RBM26: variants seen among roughly 807,000 people sequenced by gnomAD.
RBM26 encodes RNA binding motif protein 26, also known as RNA-binding protein 26.
Under a neutral mutation model 123.6 loss-of-function variants are expected in RBM26, and 30 were observed. The observed-to-expected ratio is 0.24, with a 90% CI of 0.18 to 0.33. The LOEUF is 0.33. Ranked by LOEUF, RBM26 falls within the 10% of genes least tolerant of loss-of-function variation. The pLI, the probability that RBM26 is intolerant of heterozygous loss-of-function variation, is 1.00. For synonymous variants in RBM26, 400 were observed against 404.4 expected, an observed-to-expected ratio of 0.99 and a Z score of 0.13; for missense variants, 947 against 1,203.6, an observed-to-expected ratio of 0.79 and a Z score of 3.15.
At chr13:79,385,116 T>G (rs527313452) in intron 1 of RBM26, among the ~76,000 whole-genome samples, 1 of 152,300 alleles carries the variant, frequency 6.6e-6, no homozygotes, top group South Asian at 2.1e-4. Context: ...CATTTTATAT[T>G]CAGGAAAAAT....
At chr13:79,323,131 C>T (rs1248628895) in intron 20 of RBM26, among the ~76,000 whole-genome samples, 2 of 151,408 alleles carry the variant, frequency 1.3e-5, no homozygotes, top group Non-Finnish European at 3.0e-5. Flanking sequence ...AAAACGTGAA[C>T]TTAAAAAATA....
chr13:79,312,480 C>T (rs866018768), exon 5 of RBM26: 1 of 152,010 alleles, frequency 6.6e-6, no homozygotes, highest in African/African-American at 2.4e-5. Context: ...CTCTTTACAA[C>T]TCACCAAATG....
chr13:79,313,755 A>G (rs923535094), exon 5 of RBM26: 1 of 151,746 alleles, frequency 6.6e-6, no homozygotes, highest in Non-Finnish European at 1.5e-5. Context: ...ACCAATGTGG[A>G]TCAAAACAGT....
At chr13:79,375,657 T>C (rs1319272914) in intron 3 of RBM26, among the ~76,000 whole-genome samples, 2 of 152,108 alleles carry the variant, frequency 1.3e-5, no homozygotes, top group East Asian at 1.9e-4. Context: ...ATAAATTACA[T>C]TTCTGGTCTT....
Position 79,318,927 on chromosome 13 carries a change from T to G in RBM26, c.*1694A>C. ...TTACCTAATGAATCAGAATAGCACA[T>G]AGTCAACATACAAGAGACTACATAA... On this transcript the variant is annotated 3_prime_UTR_variant, in exon 22 of 22. Coordinates refer to ENST00000438737, the MANE Select transcript of RBM26 (RefSeq NM_001366735.2). 1 of 978,732 alleles carries G rather than the reference T, an allele frequency of 1.0e-6. No homozygotes were observed. The allele number at this position is 978,732 out of a possible 1,614,324, so 60.6% of individuals were successfully genotyped here.
At chr13:79,365,909 T>C in intron 8 of RBM26, 146 bp downstream of exon 8, 1 of 954,584 alleles carries the variant, frequency 1.0e-6, no homozygotes, top group Non-Finnish European at 1.5e-6. Context: ...CATTCAAAAC[T>C]GAGGGCTTAT....
chr13:79,406,025 CGGG>C lies in RBM26; in HGVS notation c.-254_-252del. 3.4e-6 allele frequency: 1 copy of C among 293,528 alleles called. No individual in the cohort carries two copies. Among genetic ancestry groups the C allele is most frequent in the Middle Eastern group, 9.6e-4 (1 of 1,044 alleles). The allele number at this position is 293,528 out of a possible 1,614,324, so 18.2% of individuals were successfully genotyped here. On this transcript the variant is annotated 5_prime_UTR_variant, in exon 1 of 22. Coordinates refer to ENST00000438737, the MANE Select transcript of RBM26 (RefSeq NM_001366735.2). ...CGGGCTGAAACAGCAACGGTTTGCC[CGGG>C]CCCTCCCCCTTCCCTCTTCCCCAGC...
intron 10 of RBM26, 99 bp downstream of exon 10, chr13:79,359,476 C>T: frequency 1.6e-6 from 1 of 627,484 alleles, no homozygotes. Flanking sequence ...AACAGAGTAA[C>T]ATTTTTGGAA....
At chr13:79,378,341 A>G (rs1262131777) in intron 2 of RBM26, among the ~76,000 whole-genome samples, 4 of 152,232 alleles carry the variant, frequency 2.6e-5, no homozygotes, top group African/African-American at 9.6e-5. Context: ...TAAATAAGCT[A>G]TGGATATACT....
intron 1 of RBM26, among the ~76,000 whole-genome samples, chr13:79,385,055 G>A (rs1316019945): frequency 6.6e-6 from 1 of 152,156 alleles, no homozygotes; most frequent in Non-Finnish European, 1.5e-5. Flanking sequence ...TATGTTAACT[G>A]AGTAACTTTA....
In RBM26 at chr13:79,354,552, G is replaced by A; in HGVS notation, c.1873C>T (p.Gln625Ter). Residue 625 changes from glutamine to a stop codon, truncating the protein, a stop_gained, in exon 13 of 22, where the codon CAG becomes TAG. Transcript: ENST00000438737. LOFTEE classifies it high-confidence loss of function. ...TSPKVMQPLVQQPILPVVKQS... is the reference protein window; with the variant it reads ...TSPKVMQPLV The stretch of plus-strand genomic sequence containing the variant: ...TTCACAACAGGCAAAATGGGCTGCT[G>A]GACTAAAGGCTGCATTACCTCAGAA... The A allele has an allele frequency of 1.2e-6, 2 of 1,600,542 alleles. No homozygotes were observed. The highest frequency in any genetic ancestry group is 1.7e-6 in the Non-Finnish European group (2 of 1,171,172).
At chr13:79,315,057 C>T (rs370320479), downstream of RBM26, 4 of 989,932 alleles carry the variant, frequency 4.0e-6, 1 homozygote, top group African/African-American at 1.7e-5. Flanking sequence ...AAACTTGAAT[C>T]ACATCATAAA....
intron 9 of RBM26, among the ~76,000 whole-genome samples, chr13:79,362,507 G>A (rs377122499): frequency 1.1e-4 from 16 of 152,180 alleles, no homozygotes; most frequent in East Asian, 7.7e-4. Flanking sequence ...AGGGTACATA[G>A]GCTGTATCTA....
At chr13:79,371,241 A>C (rs2075843019) in intron 4 of RBM26, 79 bp from the exon 5 acceptor site, 1 of 1,169,204 alleles carries the variant, frequency 8.6e-7, no homozygotes, top group Admixed American at 2.2e-5. Context: ...CAAAAGTTAC[A>C]TTTAATTCTT....
intron 1 of RBM26, among the ~76,000 whole-genome samples, chr13:79,395,490 AG>A (rs1474016811): frequency 2.0e-5 from 3 of 152,320 alleles, no homozygotes; most frequent in African/African-American, 7.2e-5. Flanking sequence ...CTATAATCCC[AG>A]CACTTTGGGA....
At chr13:79,378,754 A>T (rs760233061) in intron 2 of RBM26, 35 bp downstream of exon 2, 2 of 1,327,916 alleles carry the variant, frequency 1.5e-6, no homozygotes, top group South Asian at 2.5e-5. Flanking sequence ...ATAACTTTTT[A>T]AAATATAGTA....
At chr13:79,353,041 C>A in intron 14 of RBM26, 112 bp downstream of exon 14, 1 of 532,460 alleles carries the variant, frequency 1.9e-6, no homozygotes, top group East Asian at 3.2e-5. Flanking sequence ...GGAAAAGATA[C>A]AGATACTATT....
chr13:79,405,344 G>A (rs1016906130), intron 1 of RBM26, among the ~76,000 whole-genome samples: 3 of 152,148 alleles, frequency 2.0e-5, no homozygotes, highest in East Asian at 1.9e-4. Flanking sequence ...CCCAATAAAG[G>A]CCGTCTACTT....
At chr13:79,397,722 TCAGAAAATTGTCATTA>T (rs979911618) in intron 1 of RBM26, among the ~76,000 whole-genome samples, 34 of 95,286 alleles carry the variant, frequency 3.6e-4, no homozygotes, top group Admixed American at 5.5e-4. Flanking sequence ...GGTATAAAAA[TCAGAAAATTGTCATTA>T]CTCATAGATG....
Sources: allele counts gnomAD v4.1 joint callset (sites outside exome capture counted in the v4.1 genomes callset), GRCh38; gene constraint gnomAD v4.1.1; transcripts MANE v1.5; gene names NCBI Gene and HGNC (gene_info 2026-07-23, HGNC 2026-07-21).